The following SLMAP variants were observed in gnomAD, a reference collection of about 807,000 sequenced individuals.
SLMAP encodes the protein sarcolemma associated protein, also known as sarcolemmal membrane-associated protein.
In SLMAP, 44 loss-of-function variants were observed where a neutral mutation model predicts 128.8. The ratio of observed to expected loss-of-function variants is 0.34; its 90% CI spans 0.27 to 0.44. The LOEUF (loss-of-function observed/expected upper bound fraction) is 0.44. SLMAP is among the 20% of genes least tolerant of loss of function. The pLI, the probability that SLMAP is intolerant of heterozygous loss-of-function variation, is 1.00. For missense variants in SLMAP, 787 were observed against 985.3 expected, an observed-to-expected ratio of 0.80 and a Z score of 2.69; for synonymous variants, 327 against 348.8, an observed-to-expected ratio of 0.94 and a Z score of 0.70.
intron 2 of SLMAP, among the ~76,000 whole-genome samples, chr3:57,818,683 G>A (rs988435823): frequency 6.6e-5 from 10 of 152,282 alleles, no homozygotes; most frequent in Admixed American, 2.0e-4. Context: ...TATAAGTGAT[G>A]TATATAAGTG....
At chr3:57,828,569 A>G (rs1299544129) in intron 2 of SLMAP, among the ~76,000 whole-genome samples, 1 of 152,172 alleles carries the variant, frequency 6.6e-6, no homozygotes, top group Non-Finnish European at 1.5e-5. Context: ...TGAGGGAACC[A>G]GGACCAGATC....
intron 2 of SLMAP, among the ~76,000 whole-genome samples, chr3:57,766,165 A>AT (rs869169620): frequency 0.024 from 2,030 of 85,698 alleles, 26 homozygotes; most frequent in African/African-American, 0.032. Flanking sequence ...CACCCGGCTA[A>AT]TTTTTTTTTT....
chr3:57,837,896 G>C (rs56347008), intron 3 of SLMAP, among the ~76,000 whole-genome samples: 1 of 152,100 alleles, frequency 6.6e-6, no homozygotes, highest in African/African-American at 2.4e-5. Flanking sequence ...CACATTAAAG[G>C]CATCGTTGAC....
chr3:57,803,118 GC>G (rs940322313), intron 2 of SLMAP, among the ~76,000 whole-genome samples: 2 of 152,012 alleles, frequency 1.3e-5, no homozygotes, highest in Admixed American at 1.3e-4. Flanking sequence ...CCAAGCGAAG[GC>G]AAATAAAAAC....
chr3:57,804,158 A>G (rs1369970760), intron 2 of SLMAP, among the ~76,000 whole-genome samples: 1 of 152,088 alleles, frequency 6.6e-6, no homozygotes, highest in East Asian at 1.9e-4. Flanking sequence ...TGCTCTATTT[A>G]TTTTCACCTT....
chr3:57,883,432 A>G (rs2095799318), intron 14 of SLMAP, among the ~76,000 whole-genome samples: 1 of 152,182 alleles, frequency 6.6e-6, no homozygotes, highest in Admixed American at 6.5e-5. Flanking sequence ...CAGAGATCTT[A>G]AAGGCTAATG....
chr3:57,793,795 C>G (rs1176215690), intron 2 of SLMAP, among the ~76,000 whole-genome samples: 1 of 151,610 alleles, frequency 6.6e-6, no homozygotes, highest in Non-Finnish European at 1.5e-5. Context: ...TGCGGTGACT[C>G]ATGCCTGTAA....
chr3:57,757,623 G>A lies in SLMAP; in HGVS notation c.-29G>A. The A allele has an allele frequency of 6.2e-7, 1 of 1,609,532 alleles. No individual in the cohort carries two copies. Among genetic ancestry groups the A allele is most frequent in the Non-Finnish European group, 8.5e-7 (1 of 1,176,850 alleles). On this transcript the variant is annotated 5_prime_UTR_variant, in exon 2 of 25. Transcript: ENST00000671191. The stretch of plus-strand genomic sequence containing the variant: ...CCGGAGGAACTCCTCTTTGTCCCTG[G>A]TAGGAGAGACACCCCCAGTCTATCC...
At chr3:57,926,125 T>G (rs2097003709) in intron 24 of SLMAP, 191 bp downstream of exon 24, 2 of 581,890 alleles carry the variant, frequency 3.4e-6, no homozygotes, top group Non-Finnish European at 6.1e-6. Context: ...TTTTGTCTTG[T>G]TTACTTTGTA....
intron 2 of SLMAP, among the ~76,000 whole-genome samples, chr3:57,809,739 C>G (rs984254338): frequency 6.6e-6 from 1 of 152,130 alleles, no homozygotes; most frequent in Non-Finnish European, 1.5e-5. Flanking sequence ...CTCTGAAGCC[C>G]GTAAAAGCCT....
chr3:57,902,225 T>C (rs949391140), intron 17 of SLMAP: 1 of 152,232 alleles, frequency 6.6e-6, no homozygotes, highest in African/African-American at 2.4e-5. Flanking sequence ...TATTTCTTTT[T>C]AGTCTTGTCT....
At chr3:57,806,537 A>C (rs2089912977) in intron 2 of SLMAP, among the ~76,000 whole-genome samples, 2 of 152,112 alleles carry the variant, frequency 1.3e-5, no homozygotes, top group African/African-American at 4.8e-5. Flanking sequence ...TCCCGGGTTC[A>C]AGCAATTATC....
At chr3:57,786,660 G>A (rs2084205144) in intron 2 of SLMAP, among the ~76,000 whole-genome samples, 2 of 144,274 alleles carry the variant, frequency 1.4e-5, no homozygotes, top group Non-Finnish European at 3.0e-5. Flanking sequence ...AGGTTCAAAC[G>A]ATTCTTCTGC....
At chr3:57,758,695 A>T (rs2078049429) in intron 2 of SLMAP, among the ~76,000 whole-genome samples, 1 of 152,236 alleles carries the variant, frequency 6.6e-6, no homozygotes, top group Non-Finnish European at 1.5e-5. Context: ...TTATGTTAGT[A>T]TCGTAAGTTA....
intron 2 of SLMAP, among the ~76,000 whole-genome samples, chr3:57,799,012 T>C (rs2087489246): frequency 6.6e-6 from 1 of 152,182 alleles, no homozygotes; most frequent in Non-Finnish European, 1.5e-5. Context: ...TATTTAATAT[T>C]AGATCTTCAG....
chr3:57,759,273 G>A lies in SLMAP; in HGVS notation c.198+1424G>A, dbSNP rs114016629. On this transcript the variant is annotated intron_variant, in intron 2 of 24. Coordinates refer to ENST00000671191, the MANE Select transcript of SLMAP (RefSeq NM_001377540.1). ...GCCTAAAATACTTCATAGATTACTC[G>A]TAATCCTTTTTTTTTTTTTTTGAGA... Among the ~76,000 whole-genome samples the A allele has an allele frequency of 3.5e-3, 529 of 150,716 alleles. 2 individuals are homozygous for A. The highest frequency in any genetic ancestry group is 5.6e-3 in the Non-Finnish European group (377 of 67,880).
chr3:57,757,162 T>C lies in SLMAP; in HGVS notation c.-490T>C, dbSNP rs1299539727. 2 of 195,014 alleles carry C rather than the reference T, an allele frequency of 1.0e-5. No homozygotes were observed. Among genetic ancestry groups the C allele is most frequent in the Non-Finnish European group, 2.1e-5 (2 of 93,194 alleles). The allele number at this position is 195,014 out of a possible 1,614,324, so 12.1% of individuals were successfully genotyped here. On this transcript the variant is annotated 5_prime_UTR_variant, in exon 2 of 25. Transcript: ENST00000671191. The stretch of plus-strand genomic sequence containing the variant: ...CTGCCCAGAGGTGCCCAGCCACACC[T>C]TCCTTCGGCCCAAAAGGACTTTCCT...
At chr3:57,756,459 C>G (rs1039168625) in intron 1 of SLMAP, 89 bp from the exon 2 acceptor site, 1 of 152,702 alleles carries the variant, frequency 6.5e-6, no homozygotes, top group South Asian at 2.1e-4. Flanking sequence ...GCGGTGTGGG[C>G]TGGCGGGGGT....
intron 13 of SLMAP, among the ~76,000 whole-genome samples, chr3:57,869,630 T>TTATATGTATATATATATATATATA (rs1553900185): frequency 4.0e-5 from 3 of 75,474 alleles, no homozygotes; most frequent in Admixed American, 1.8e-4. Flanking sequence ...CCCATCTCTA[T>TTATATGTATATATATATATATATA]TATATATATA....
Sources: allele counts gnomAD v4.1 joint callset (sites outside exome capture counted in the v4.1 genomes callset), GRCh38; gene constraint gnomAD v4.1.1; transcripts MANE v1.5; gene names NCBI Gene and HGNC (gene_info 2026-07-23, HGNC 2026-07-21).